Variants in MPDZ observed in about 807,000 individuals in gnomAD.
MPDZ encodes the protein multiple PDZ domain crumbs cell polarity complex component.
Under a neutral mutation model 239.1 loss-of-function variants are expected in MPDZ, and 234 were observed. That is an observed-to-expected ratio of 0.98 (90% CI 0.88 to 1.09). The LOEUF (loss-of-function observed/expected upper bound fraction) is 1.09, where lower values mean the gene tolerates loss of function less well. Among genes scored for constraint, MPDZ ranks in the 50% least tolerant of loss-of-function variants. MPDZ has a pLI of 0.00. For synonymous variants in MPDZ, 1,048 were observed against 881.3 expected, an observed-to-expected ratio of 1.19 and a Z score of -3.35; for missense variants, 3,175 against 2,510.0, an observed-to-expected ratio of 1.26 and a Z score of -5.66.
At chr9:13,143,234 C>A (rs922945160) in intron 27 of MPDZ, among the ~76,000 whole-genome samples, 1 of 152,068 alleles carries the variant, frequency 6.6e-6, no homozygotes, top group Non-Finnish European at 1.5e-5. Flanking sequence ...TCATGATTCT[C>A]CCTTACTCTT....
chr9:13,112,099 G>A lies in MPDZ; in HGVS notation c.5649C>T (p.Ser1883=). Residue 1883 remains serine, a synonymous_variant, in exon 43 of 47, where the codon AGC becomes AGT. Coordinates refer to ENST00000319217, the MANE Select transcript of MPDZ (RefSeq NM_001378778.1). Reference sequence around the variant, plus strand: ...TAAATATAGGCACATCACCAAGTGGGCTGCCTACTCCTCCAGCGATGCTGA... The same window carrying A: ...TAAATATAGGCACATCACCAAGTGGACTGCCTACTCCTCCAGCGATGCTGA... ...LGISIAGGVG[S]PLGDVPIFIA... 1.9e-6 allele frequency: 3 copies of A among 1,613,212 alleles called. No individual in the cohort carries two copies. The South Asian group carries it at 3.3e-5, about 18-fold the overall frequency.
At chr9:13,165,781 A>G (rs186640624) in intron 22 of MPDZ, among the ~76,000 whole-genome samples, 2 of 152,308 alleles carry the variant, frequency 1.3e-5, no homozygotes, top group East Asian at 3.9e-4. Flanking sequence ...TTACAGAAAT[A>G]TAAGAGCTCC....
intron 45 of MPDZ, among the ~76,000 whole-genome samples, 153 bp from the exon 46 acceptor site, chr9:13,109,212 G>C (rs1272482213): frequency 6.6e-6 from 1 of 151,706 alleles, no homozygotes; most frequent in East Asian, 1.9e-4. Flanking sequence ...TGCTTAAATT[G>C]TCAGTGCATG....
intron 42 of MPDZ, 42 bp downstream of exon 42, chr9:13,112,969 T>G: frequency 6.5e-7 from 1 of 1,536,166 alleles, no homozygotes; most frequent in Non-Finnish European, 8.9e-7. Context: ...AAGATGTCTC[T>G]TAAAACGCCA....
chr9:13,159,645 T>TA (rs1950232426), intron 23 of MPDZ, among the ~76,000 whole-genome samples: 1 of 152,116 alleles, frequency 6.6e-6, no homozygotes, highest in Admixed American at 6.6e-5. Context: ...GGGAGGTCCT[T>TA]AGCCCTAAAG....
At chr9:13,271,309 T>G (rs1466433824) in intron 1 of MPDZ, among the ~76,000 whole-genome samples, 1 of 152,186 alleles carries the variant, frequency 6.6e-6, no homozygotes, top group African/African-American at 2.4e-5. Context: ...CTCACACAGT[T>G]GAATCCAAAG....
intron 32 of MPDZ, among the ~76,000 whole-genome samples, chr9:13,129,417 C>G (rs1945609494): frequency 6.6e-6 from 1 of 151,880 alleles, no homozygotes; most frequent in African/African-American, 2.4e-5. Context: ...GAGCCAAGAT[C>G]ACACCACTGC....
chr9:13,160,830 T>TATATATA (rs1950373029), intron 23 of MPDZ, among the ~76,000 whole-genome samples: 1 of 37,978 alleles, frequency 2.6e-5, no homozygotes. Flanking sequence ...ATTATTAAAA[T>TATATATA]TATATATATA....
intron 10 of MPDZ, among the ~76,000 whole-genome samples, chr9:13,215,728 A>T (rs940779715): frequency 6.7e-6 from 1 of 150,004 alleles, no homozygotes; most frequent in African/African-American, 2.4e-5. Flanking sequence ...AAGGTAAAAC[A>T]GATAAACAGG....
At chr9:13,167,466 G>A (rs1951210429) in intron 22 of MPDZ, among the ~76,000 whole-genome samples, 1 of 152,026 alleles carries the variant, frequency 6.6e-6, no homozygotes, top group Admixed American at 6.6e-5. Context: ...AGTCTGTACA[G>A]CTTTTGTTAC....
At chr9:13,236,004 C>G (rs1190558073) in intron 3 of MPDZ, among the ~76,000 whole-genome samples, 7 of 151,608 alleles carry the variant, frequency 4.6e-5, no homozygotes, top group Non-Finnish European at 7.4e-5. Context: ...TAGACTTTAG[C>G]TTTTATACAA....
At position 13,241,433 on chromosome 9, in the gene MPDZ, G is replaced by C. The variant is rs550542199; in HGVS notation, c.183+6202C>G. ...AATCAAAGCATATTTCTTTCGTTCT[G>C]TCCTCCTTCCCCTACCAACACCAAG... On this transcript the variant is annotated intron_variant, in intron 3 of 46. Transcript: ENST00000319217. Among the ~76,000 whole-genome samples the C allele has an allele frequency of 4.6e-5, 7 of 152,164 alleles. No individual in the cohort carries two copies. The South Asian group carries it at 1.0e-3, about 23-fold the overall frequency.
Position 13,224,343 on chromosome 9 carries a change from T to G in MPDZ, c.393+31A>C, listed in dbSNP as rs200679273. The G allele has an allele frequency of 3.2e-3, 4,859 of 1,537,440 alleles. 17 individuals are homozygous for G. Among genetic ancestry groups the G allele is most frequent in the Non-Finnish European group, 3.8e-3 (4,232 of 1,117,264 alleles). On this transcript the variant is annotated intron_variant, in intron 4 of 46. Coordinates refer to ENST00000319217, the MANE Select transcript of MPDZ (RefSeq NM_001378778.1). ...CACATTCTTAAATTACTACAGGTATTACAATAACTAACAGAAAGAAATGTT... is the reference window on the plus strand; with the variant it reads ...CACATTCTTAAATTACTACAGGTATGACAATAACTAACAGAAAGAAATGTT...
intron 21 of MPDZ, among the ~76,000 whole-genome samples, chr9:13,171,415 C>T (rs377346028): frequency 6.6e-5 from 10 of 152,100 alleles, no homozygotes; most frequent in Non-Finnish European, 1.5e-5. Context: ...CAGAGATAGA[C>T]AGGCTTGAGT....
chr9:13,106,036 A>T lies in MPDZ; in HGVS notation c.*929T>A, dbSNP rs537271395. On this transcript the variant is annotated 3_prime_UTR_variant, in exon 47 of 47. Transcript: ENST00000319217. ...ATGGCATACAACCAAAATAATTAGT[A>T]ACACATTGTTCTCTGTCATTAAGAT... 6 of 152,318 alleles carry T rather than the reference A, an allele frequency of 3.9e-5. No homozygotes were observed. In the South Asian group the frequency reaches 1.2e-3, roughly 32 times the overall value. 9.4% of individuals were successfully genotyped at this position (152,318 alleles called of 1,614,324 possible).
At chr9:13,277,698 G>A (rs1974553726) in intron 1 of MPDZ, among the ~76,000 whole-genome samples, 1 of 152,090 alleles carries the variant, frequency 6.6e-6, no homozygotes, top group Non-Finnish European at 1.5e-5. Context: ...CCTAGTATCT[G>A]AGACTACAGG....
chr9:13,110,389 C>T (rs557592675), intron 44 of MPDZ, among the ~76,000 whole-genome samples: 26 of 152,290 alleles, frequency 1.7e-4, no homozygotes, highest in Admixed American at 3.9e-4. Context: ...AGCAAATAAT[C>T]ATGTACTGCT....
At chr9:13,219,042 G>C (rs1958719267) in intron 8 of MPDZ, among the ~76,000 whole-genome samples, 1 of 151,842 alleles carries the variant, frequency 6.6e-6, no homozygotes. Context: ...TCTGATAACA[G>C]TTCTAAGACA....
chr9:13,253,951 T>A (rs1968764483), intron 1 of MPDZ, among the ~76,000 whole-genome samples: 1 of 152,208 alleles, frequency 6.6e-6, no homozygotes, highest in Non-Finnish European at 1.5e-5. Context: ...ACAGACAGAT[T>A]AAGTAACTTG....
Sources: allele counts gnomAD v4.1 joint callset (sites outside exome capture counted in the v4.1 genomes callset), GRCh38; gene constraint gnomAD v4.1.1; transcripts MANE v1.5; gene names NCBI Gene and HGNC (gene_info 2026-07-23, HGNC 2026-07-21).